ITGB7: variants seen among roughly 807,000 people sequenced by gnomAD.
ITGB7 encodes integrin subunit beta 7.
In ITGB7, 55 loss-of-function variants were observed where a neutral mutation model predicts 83.4. The observed-to-expected ratio is 0.66, with a 90% CI of 0.53 to 0.83. The LOEUF is 0.83. Ranked by LOEUF, ITGB7 falls within the 40% of genes least tolerant of loss-of-function variation. The probability of loss-of-function intolerance (pLI) is 0.00; values close to 1 mark genes in which losing one functional copy is unlikely to be tolerated. For synonymous variants in ITGB7, 454 were observed against 423.6 expected (o/e 1.07, Z -0.88); for missense variants, 921 against 1,046.7 (o/e 0.88, Z 1.66).
chr12:53,196,124 C>G lies in ITGB7; in HGVS notation c.892G>C (p.Gly298Arg). ...SDDTFHTAGD[G>R]KLGGIFMPSD... Reference sequence around the variant, plus strand: ...GGCATGAAAATGCCGCCCAACTTCCCGTCCCCAGCTGTATGGAATGTGTCG... The same window carrying G: ...GGCATGAAAATGCCGCCCAACTTCCGGTCCCCAGCTGTATGGAATGTGTCG... The change falls in exon 7 of 16, where the codon GGG (glycine) becomes CGG (arginine). Residue 298 changes from glycine to arginine, a missense_variant. By Grantham distance (125) the Gly-to-Arg change is moderately radical. Transcript: ENST00000267082. The G allele has an allele frequency of 6.2e-7, 1 of 1,614,204 alleles. No individual in the cohort carries two copies. The highest frequency in any genetic ancestry group is 8.5e-7 in the Non-Finnish European group (1 of 1,180,022).
chr12:53,194,098 A>C, intron 10 of ITGB7, 100 bp downstream of exon 10: 1 of 1,529,270 alleles, frequency 6.5e-7, no homozygotes, highest in Non-Finnish European at 9.0e-7. Context: ...TCAGGCTCTC[A>C]TGTCACTCCC....
intron 14 of ITGB7, 82 bp downstream of exon 14, chr12:53,192,248 C>T (rs532548326): frequency 4.1e-6 from 6 of 1,447,854 alleles, no homozygotes; most frequent in Admixed American, 3.5e-5. Flanking sequence ...CAGCCTGTTT[C>T]CCATTATCTT....
At position 53,191,578 on chromosome 12, in the gene ITGB7, T is replaced by C. The variant is rs1941945007; in HGVS notation, c.2375A>G (p.Glu792Gly). ...ITTTINPRFQ[E>G]ADSPTL ...CCTTCAGAGAGTGGGACTGTCTGCCTCTTGAAAGCGAGGATTGATGGTGGT... is the reference window on the plus strand; with the variant it reads ...CCTTCAGAGAGTGGGACTGTCTGCCCCTTGAAAGCGAGGATTGATGGTGGT... The change falls in exon 16 of 16, where the codon GAG (glutamate) becomes GGG (glycine). Residue 792 changes from glutamate (E) to glycine (G), a missense_variant. Physicochemically the swap from Glu to Gly is moderately conservative, Grantham distance 98. Transcript: ENST00000267082. The C allele has an allele frequency of 1.9e-6, 3 of 1,613,332 alleles. No individual in the cohort carries two copies. Among genetic ancestry groups the C allele is most frequent in the African/African-American group, 1.3e-5 (1 of 74,892 alleles).
chr12:53,202,007 G>A (rs932406504), intron 1 of ITGB7, among the ~76,000 whole-genome samples: 1 of 152,152 alleles, frequency 6.6e-6, no homozygotes, highest in Non-Finnish European at 1.5e-5. Flanking sequence ...ATGCTTCTGT[G>A]GCCAATTGAT....
rs1942131808 is a variant in ITGB7, at chr12:53,195,610, T to C, written c.1071+16A>G. 4.4e-6 allele frequency: 7 copies of C among 1,604,834 alleles called. No homozygotes were observed. The highest frequency in any genetic ancestry group is 6.0e-6 in the Non-Finnish European group (7 of 1,171,574). On this transcript the variant is annotated intron_variant, in intron 8 of 15. Coordinates refer to ENST00000267082, the MANE Select transcript of ITGB7 (RefSeq NM_000889.3). ...TGGGATGGGGCTGGGGGATCTGACATGTAGACAGCTCTCACCTGGTAGACA... is the reference window on the plus strand; with the variant it reads ...TGGGATGGGGCTGGGGGATCTGACACGTAGACAGCTCTCACCTGGTAGACA...
In ITGB7 at chr12:53,200,327, C is replaced by A; in HGVS notation, c.117G>T (p.Leu39=). 2 of 1,614,196 alleles carry A rather than the reference C, an allele frequency of 1.2e-6. No individual in the cohort carries two copies. Among genetic ancestry groups the A allele is most frequent in the Non-Finnish European group, 1.7e-6 (2 of 1,180,048 alleles). ...GDATEWRNPH[L]SMLGSCQPAP... ...CTGGCTGGCAGGACCCCAGCATGGACAGGTGAGGATTCCGCCATTCTGTGG... is the reference window on the plus strand; with the variant it reads ...CTGGCTGGCAGGACCCCAGCATGGAAAGGTGAGGATTCCGCCATTCTGTGG... Residue 39 remains leucine (L), a synonymous_variant, in exon 3 of 16, where the codon CTG becomes CTT. Coordinates refer to ENST00000267082, the MANE Select transcript of ITGB7 (RefSeq NM_000889.3).
At chr12:53,193,114 G>A (rs752008147) in intron 12 of ITGB7, 26 bp downstream of exon 12, 12 of 1,581,898 alleles carry the variant, frequency 7.6e-6, no homozygotes, top group East Asian at 4.5e-5. Context: ...CTCAGACCCC[G>A]CCCTTCTCCC....
chr12:53,192,626 G>A (rs964481319), intron 13 of ITGB7, 65 bp downstream of exon 13: 7 of 1,595,470 alleles, frequency 4.4e-6, no homozygotes, highest in Non-Finnish European at 6.0e-6. Context: ...AGAGTAGGCA[G>A]ATGGGAGTAG....
intron 10 of ITGB7, 82 bp from the exon 11 acceptor site, chr12:53,193,983 C>T: frequency 7.2e-7 from 1 of 1,396,490 alleles, no homozygotes; most frequent in Non-Finnish European, 9.9e-7. Context: ...CAGAACCTCA[C>T]CCCTTAGTAA....
chr12:53,206,511 T>G (rs552670435), intron 1 of ITGB7, among the ~76,000 whole-genome samples: 1 of 152,174 alleles, frequency 6.6e-6, no homozygotes. Flanking sequence ...GGGCTCTGCC[T>G]AATCCCATTT....
intron 11 of ITGB7, 53 bp downstream of exon 11, chr12:53,193,654 AG>A: frequency 6.8e-7 from 1 of 1,476,454 alleles, no homozygotes; most frequent in Non-Finnish European, 9.3e-7. Context: ...AATACGGGCC[AG>A]GGTTGGTTGG....
At chr12:53,195,544 T>A in intron 8 of ITGB7, 81 bp from the exon 9 acceptor site, 2 of 1,514,770 alleles carry the variant, frequency 1.3e-6, no homozygotes, top group South Asian at 2.2e-5. Context: ...GGAGGGCATA[T>A]GGGGGACGGA....
chr12:53,194,343 C>T lies in ITGB7; in HGVS notation c.1163G>A (p.Ser388Asn). The change falls in exon 10 of 16, where the codon AGC (serine) becomes AAC (asparagine). Residue 388 changes from serine (S) to asparagine (N), a missense_variant and splice_region_variant. Physicochemically the swap from Ser to Asn is conservative, Grantham distance 46 (BLOSUM62 1). Coordinates refer to ENST00000267082, the MANE Select transcript of ITGB7 (RefSeq NM_000889.3). ...TTCAAGGGTCACGGTGGAAGACAGG[C>T]TCTATGGGAAGAGAGCGAGTGGATA... The part of the protein sequence containing the change: ...VVQLIMDAYN[S>N]LSSTVTLEHS... 1 of 1,613,916 alleles carries T rather than the reference C, an allele frequency of 6.2e-7. No homozygotes were observed. The highest frequency in any genetic ancestry group is 8.5e-7 in the Non-Finnish European group (1 of 1,179,928).
intron 14 of ITGB7, 120 bp downstream of exon 14, chr12:53,192,210 C>T: frequency 7.9e-7 from 1 of 1,266,280 alleles, no homozygotes; most frequent in Admixed American, 2.0e-5. Flanking sequence ...CTGCCTTTGT[C>T]CTGGATTCAC....
chr12:53,191,699 C>A (rs1941951078), intron 15 of ITGB7, 63 bp from the exon 16 acceptor site: 1 of 1,551,524 alleles, frequency 6.4e-7, no homozygotes, highest in Non-Finnish European at 8.9e-7. Flanking sequence ...CTTTCTAGAC[C>A]TAAGAGGCCA....
intron 3 of ITGB7, among the ~76,000 whole-genome samples, chr12:53,200,000 C>G (rs1395308193): frequency 6.6e-6 from 1 of 152,194 alleles, no homozygotes; most frequent in Non-Finnish European, 1.5e-5. Context: ...CATATATACA[C>G]AAGCAAATGG....
Position 53,192,030 on chromosome 12 carries a change from GA to G in ITGB7, c.2156-12del. On this transcript the variant is annotated splice_polypyrimidine_tract_variant and intron_variant, in intron 14 of 15. Transcript: ENST00000267082. The stretch of plus-strand genomic sequence containing the variant: ...TGTGGTCTGCTCCCTCTGTGAACAA[GA>G]AACCAGACACACTTGTGGGAGCTGG... 1 of 1,609,322 alleles carries G rather than the reference GA, an allele frequency of 6.2e-7. No individual in the cohort carries two copies. Among genetic ancestry groups the G allele is most frequent in the Admixed American group, 1.7e-5 (1 of 59,644 alleles).
At chr12:53,199,095 C>T (rs1239669901) in intron 3 of ITGB7, among the ~76,000 whole-genome samples, 1 of 152,182 alleles carries the variant, frequency 6.6e-6, no homozygotes, top group Admixed American at 6.5e-5. Context: ...GTGCCTTTCT[C>T]CTGGGTCCTC....
Position 53,192,676 on chromosome 12 carries a change from G to C in ITGB7, c.1946+15C>G. 6.2e-7 allele frequency: 1 copy of C among 1,610,076 alleles called. No individual in the cohort carries two copies. Among genetic ancestry groups the C allele is most frequent in the African/African-American group, 1.3e-5 (1 of 74,996 alleles). On this transcript the variant is annotated intron_variant, in intron 13 of 15. Coordinates refer to ENST00000267082, the MANE Select transcript of ITGB7 (RefSeq NM_000889.3). ...CTGTGCCCCTGCTCCCAAGATGCAA[G>C]ACCTGAGGCCTCACCGGTGTCTCTC... is the stretch of plus-strand genomic sequence containing the variant.
Sources: allele counts gnomAD v4.1 joint callset (sites outside exome capture counted in the v4.1 genomes callset), GRCh38; gene constraint gnomAD v4.1.1; transcripts MANE v1.5; gene names NCBI Gene and HGNC (gene_info 2026-07-23, HGNC 2026-07-21).